The following BICC1 variants were observed in gnomAD, a reference collection of about 807,000 sequenced individuals.
BICC1 encodes protein bicaudal C homolog 1.
A neutral mutation model predicts 111.0 loss-of-function variants in BICC1; 43 were observed. The ratio of observed to expected loss-of-function variants is 0.39; its 90% CI spans 0.30 to 0.50. The LOEUF (loss-of-function observed/expected upper bound fraction) is 0.50, where lower values mean the gene tolerates loss of function less well. BICC1 is among the 20% of genes least tolerant of loss of function. BICC1 has a pLI of 0.88. For synonymous variants in BICC1, 467 were observed against 434.4 expected (o/e 1.07, Z -0.93); for missense variants, 1,091 against 1,203.2 (o/e 0.91, Z 1.38).
At chr10:58,778,143 G>A (rs1467472100) in intron 3 of BICC1, among the ~76,000 whole-genome samples, 1 of 151,614 alleles carries the variant, frequency 6.6e-6, no homozygotes, top group Admixed American at 6.6e-5. Flanking sequence ...AGTCTGGGAG[G>A]CGGCAGTTGC....
intron 2 of BICC1, among the ~76,000 whole-genome samples, chr10:58,667,838 T>C (rs1839064567): frequency 6.6e-6 from 1 of 152,080 alleles, no homozygotes; most frequent in African/African-American, 2.4e-5. Flanking sequence ...TCCTAACTCA[T>C]AGCTAGGTGA....
intron 3 of BICC1, among the ~76,000 whole-genome samples, chr10:58,782,586 T>G (rs1842910363): frequency 6.6e-6 from 1 of 152,200 alleles, no homozygotes; most frequent in Non-Finnish European, 1.5e-5. Flanking sequence ...ACATTTTCAG[T>G]AGAGGTTAAC....
At chr10:58,708,646 T>C (rs957877927) in intron 3 of BICC1, among the ~76,000 whole-genome samples, 7 of 152,184 alleles carry the variant, frequency 4.6e-5, no homozygotes, top group Non-Finnish European at 1.0e-4. Context: ...ACATAGCACG[T>C]GAAGAAGCTG....
At chr10:58,624,790 C>T (rs1469711268) in intron 2 of BICC1, among the ~76,000 whole-genome samples, 2 of 152,090 alleles carry the variant, frequency 1.3e-5, no homozygotes, top group Non-Finnish European at 2.9e-5. Flanking sequence ...GATGGGCTTT[C>T]ACCATGTTGA....
intron 2 of BICC1, among the ~76,000 whole-genome samples, chr10:58,625,897 G>A (rs930094145): frequency 1.5e-4 from 23 of 152,200 alleles, no homozygotes; most frequent in Middle Eastern, 3.4e-3. Context: ...TTTATATTTC[G>A]AGTGGGTTAT....
Position 58,800,309 on chromosome 10 carries a change from A to G in BICC1, c.1841A>G (p.Lys614Arg), listed in dbSNP as rs1346731523. The G allele has an allele frequency of 6.2e-7, 1 of 1,613,464 alleles. No individual in the cohort carries two copies. Among genetic ancestry groups the G allele is most frequent in the Non-Finnish European group, 8.5e-7 (1 of 1,179,764 alleles). Residue 614 changes from lysine (K) to arginine (R), a missense_variant, in exon 13 of 21, where the codon AAA becomes AGA. Lys to Arg is a conservative substitution (Grantham distance 26, BLOSUM62 2). This residue lies in a region of BICC1 where 843 missense variants were observed against 900.8 expected (regional missense o/e 0.94). Transcript: ENST00000373886. Reference protein sequence around the residue: ...QTSGSEQTSPKSSPTEGCNDA... With the variant: ...QTSGSEQTSPRSSPTEGCNDA... ...AGTGGGTCTGAGCAGACATCTCCCA[A>G]ATCAAGCCCCACTGAAGGTCGGGAA...
chr10:58,648,948 A>G (rs1403280150), intron 2 of BICC1, among the ~76,000 whole-genome samples: 1 of 152,180 alleles, frequency 6.6e-6, no homozygotes, highest in African/African-American at 2.4e-5. Flanking sequence ...AGATCTGCCA[A>G]CACTTGAAGG....
rs142149688 is a variant in BICC1 at position 58,663,066 on chromosome 10, CTTTTTTTT to C, written c.238-38997_238-38990del. 9.8e-5 allele frequency among the ~76,000 whole-genome samples: 8 copies of C among 81,710 alleles called. No homozygotes were observed. In the East Asian group the frequency reaches 2.8e-3, roughly 28 times the overall value. 53.6% of individuals were successfully genotyped at this position (81,710 alleles called of 152,430 possible). ...TTTTTTTCTTTTTCTTTTTCTTTTT[CTTTTTTTT>C]TTTTTTTTTTGAGACGGAGTCTTAC... On this transcript the variant is annotated intron_variant, in intron 2 of 20. Transcript: ENST00000373886.
chr10:58,645,859 G>T (rs1838254372), intron 2 of BICC1, among the ~76,000 whole-genome samples: 3 of 152,128 alleles, frequency 2.0e-5, no homozygotes, highest in African/African-American at 7.2e-5. Flanking sequence ...TTTTTATTTG[G>T]TGTTCTCCTT....
chr10:58,748,475 G>A (rs1841897177), intron 3 of BICC1, among the ~76,000 whole-genome samples: 3 of 151,920 alleles, frequency 2.0e-5, no homozygotes, highest in Non-Finnish European at 4.4e-5. Context: ...GGGGGGTGGG[G>A]AGAATGAAAA....
At chr10:58,731,398 GC>G (rs1217148919) in intron 3 of BICC1, among the ~76,000 whole-genome samples, 1 of 151,970 alleles carries the variant, frequency 6.6e-6, no homozygotes, top group African/African-American at 2.4e-5. Flanking sequence ...CTTCTTCTGA[GC>G]CCCCCATACT....
At chr10:58,803,993 A>G (rs1174007910) in intron 15 of BICC1, among the ~76,000 whole-genome samples, 1 of 152,212 alleles carries the variant, frequency 6.6e-6, no homozygotes, top group South Asian at 2.1e-4. Context: ...CACCACCAAA[A>G]AAGAGGAAGA....
intron 1 of BICC1, among the ~76,000 whole-genome samples, chr10:58,583,535 T>A (rs1264297251): frequency 2.6e-5 from 4 of 152,056 alleles, no homozygotes; most frequent in Admixed American, 6.6e-5. Context: ...AGGTTGCTGC[T>A]AATGCCATTC....
At chr10:58,717,543 C>T (rs1182661591) in intron 3 of BICC1, among the ~76,000 whole-genome samples, 1 of 152,010 alleles carries the variant, frequency 6.6e-6, no homozygotes, top group Non-Finnish European at 1.5e-5. Context: ...AAAAAATAAG[C>T]AGAGAACTTC....
intron 1 of BICC1, among the ~76,000 whole-genome samples, chr10:58,549,373 C>G (rs898407537): frequency 6.6e-6 from 1 of 152,088 alleles, no homozygotes; most frequent in African/African-American, 2.4e-5. Flanking sequence ...AAACTGTATT[C>G]CAAAATTTGG....
Position 58,768,194 on chromosome 10 carries a change from G to A in BICC1, c.308-16807G>A, listed in dbSNP as rs555748829. The stretch of plus-strand genomic sequence containing the variant: ...ACAGAGAATTTTGAAAACAGCAAGA[G>A]AAAAGAGACTCGTCACACATAAAAG... On this transcript the variant is annotated intron_variant, in intron 3 of 20. Coordinates refer to ENST00000373886, the MANE Select transcript of BICC1 (RefSeq NM_001080512.3). Among the ~76,000 whole-genome samples, 13 of 152,120 alleles carry A rather than the reference G, an allele frequency of 8.5e-5. No individual in the cohort carries two copies. The South Asian group carries it at 2.7e-3, about 32-fold the overall frequency.
intron 2 of BICC1, among the ~76,000 whole-genome samples, chr10:58,641,215 C>T (rs559465559): frequency 3.3e-5 from 5 of 152,256 alleles, no homozygotes; most frequent in Non-Finnish European, 5.9e-5. Context: ...GCTAACAGTG[C>T]AATCCCCAGG....
chr10:58,554,831 A>G (rs1843399105), intron 1 of BICC1, among the ~76,000 whole-genome samples: 1 of 150,018 alleles, frequency 6.7e-6, no homozygotes, highest in Non-Finnish European at 1.5e-5. Context: ...TGTTAGAATT[A>G]CATTTAATTT....
chr10:58,547,525 A>G (rs559425634), intron 1 of BICC1, among the ~76,000 whole-genome samples: 4 of 152,210 alleles, frequency 2.6e-5, no homozygotes, highest in Non-Finnish European at 5.9e-5. Context: ...AGGTTCCTCC[A>G]TTGTAATGGT....
Sources: gnomAD v4.1 joint callset for allele counts (sites outside exome capture counted in the v4.1 genomes callset) on GRCh38, gnomAD v4.1.1 for gene constraint, gnomAD v4.1.1 regional missense constraint, MANE v1.5 for transcripts, NCBI Gene and HGNC (gene_info 2026-07-23, HGNC 2026-07-21) for gene names.